Variants in DDX3X observed in about 807,000 individuals in gnomAD.
DDX3X encodes the protein ATP-dependent RNA helicase DDX3X.
Under a neutral mutation model 52.7 loss-of-function variants are expected in DDX3X, and 4 were observed. The ratio of observed to expected loss-of-function variants is 0.08; its 90% CI spans 0.04 to 0.17. DDX3X has a LOEUF of 0.17. Ranked by LOEUF, DDX3X falls within the 10% of genes least tolerant of loss-of-function variation. The pLI, the probability that DDX3X is intolerant of heterozygous loss-of-function variation, is 1.00. For synonymous variants in DDX3X, 192 were observed against 178.1 expected, an observed-to-expected ratio of 1.08 and a Z score of -0.62; for missense variants, 222 against 548.6, an observed-to-expected ratio of 0.40 and a Z score of 5.95.
chrX:41,363,681 G>T (rs958135621), intron 5 of DDX3X, among the ~76,000 whole-genome samples: 1 of 110,708 alleles, frequency 9.0e-6, no homozygotes, highest in African/African-American at 3.3e-5. Context: ...TACTCGGAAG[G>T]CTGAGGCAGG....
rs751906773 is a variant in DDX3X at position 41,344,423 on chromosome X, TTTTTGTTTTG to T, written c.1025+37_1025+46del. ...AAGTATGTTTTATTTTGTTTTTGTTTTTTTGTTTTGTTTTGTTTTGTTCTTTTGTTTTTGG... is the reference window on the plus strand; with the variant it reads ...AAGTATGTTTTATTTTGTTTTTGTTTTTTTGTTTTGTTCTTTTGTTTTTGG... On this transcript the variant is annotated intron_variant, in intron 10 of 16. Coordinates refer to ENST00000644876, the MANE Select transcript of DDX3X (RefSeq NM_001356.5). 1.5e-5 allele frequency: 18 copies of T among 1,203,755 alleles called. No individual in the cohort carries two copies. Among genetic ancestry groups the T allele is most frequent in the Middle Eastern group, 2.5e-4 (1 of 4,071 alleles).
At chrX:41,338,323 ATTTGTC>A (rs2063800348) in intron 2 of DDX3X, 1 of 111,738 alleles carries the variant, frequency 8.9e-6, no homozygotes, top group Non-Finnish European at 1.9e-5. Flanking sequence ...CTTTCACCTT[ATTTGTC>A]ATGCTAAGAA....
rs1421382643 is a variant in DDX3X at position 41,349,469 on chromosome X, A to T, written c.*1750A>T. 8.9e-6 allele frequency: 1 copy of T among 111,901 alleles called. No individual in the cohort carries two copies. Among genetic ancestry groups the T allele is most frequent in the Non-Finnish European group, 1.9e-5 (1 of 53,200 alleles). 9.2% of individuals were successfully genotyped at this position (111,901 alleles called of 1,213,427 possible). A position where few individuals can be genotyped will look rare whatever the true frequency, so the allele number is the denominator to read the frequency against. ...TAGTTGGGAAGAAAACTATTTGCAC[A>T]CGACAGATTTCTAGATACTTTTTGC... On this transcript the variant is annotated 3_prime_UTR_variant, in exon 17 of 17. Coordinates refer to ENST00000644876, the MANE Select transcript of DDX3X (RefSeq NM_001356.5).
chrX:41,344,688 T>G (rs953972737), intron 10 of DDX3X: 14 of 331,594 alleles, frequency 4.2e-5, no homozygotes, highest in African/African-American at 3.7e-4. Context: ...TCCGCCTGCC[T>G]TGGCCTCCCA....
In DDX3X at chrX:41,350,164, G is replaced by C. The variant is rs900446674; in HGVS notation, c.*2445G>C. The C allele has an allele frequency of 8.9e-6, 1 of 112,433 alleles. No individual in the cohort carries two copies. Among genetic ancestry groups the C allele is most frequent in the African/African-American group, 3.2e-5 (1 of 30,897 alleles). The allele number at this position is 112,433 out of a possible 1,213,427, so 9.3% of individuals were successfully genotyped here. A position where few individuals can be genotyped will look rare whatever the true frequency, so the allele number is the denominator to read the frequency against. ...TTTAGATGCTAGCACTGCATGTGCT[G>C]TGCATATTCTGATTTTATTAAAATA... On this transcript the variant is annotated 3_prime_UTR_variant, in exon 17 of 17. Transcript: ENST00000644876.
At chrX:41,334,858 T>C in intron 1 of DDX3X, 1 of 657,684 alleles carries the variant, frequency 1.5e-6, no homozygotes, top group African/African-American at 2.4e-5. Flanking sequence ...GGCGGCGCTG[T>C]GGCTCACCTC....
rs2063966474 is a variant in DDX3X, at chrX:41,349,738, A to G, written c.*2019A>G. ...CAGACCCGGCGTTGGCAGTGTAGCC[A>G]TAACTTTCTGATGTTAGTAAAAACA... On this transcript the variant is annotated 3_prime_UTR_variant, in exon 17 of 17. Coordinates refer to ENST00000644876, the MANE Select transcript of DDX3X (RefSeq NM_001356.5). 8.9e-6 allele frequency: 1 copy of G among 111,831 alleles called. No homozygotes were observed. Among genetic ancestry groups the G allele is most frequent in the Non-Finnish European group, 1.9e-5 (1 of 53,166 alleles). The allele number at this position is 111,831 out of a possible 1,213,427, so 9.2% of individuals were successfully genotyped here.
At chrX:41,360,862 T>A (rs1362761564) in intron 5 of DDX3X, among the ~76,000 whole-genome samples, 6 of 108,697 alleles carry the variant, frequency 5.5e-5, no homozygotes, top group Admixed American at 1.0e-4. Flanking sequence ...ACTCCCTTAA[T>A]ATCACCCATC....
chrX:41,334,726 G>C, intron 1 of DDX3X: 1 of 987,835 alleles, frequency 1.0e-6, no homozygotes. Context: ...TTCCCGTCCG[G>C]AGGACCTGGC....
chrX:41,338,716 C>T (rs1253754226), intron 2 of DDX3X: 1 of 113,522 alleles, frequency 8.8e-6, no homozygotes, highest in Non-Finnish European at 1.8e-5. Flanking sequence ...GTTTTGATGA[C>T]AGTTCTCTTA....
chrX:41,350,783 T>C (rs989189081), downstream of DDX3X: 4 of 111,674 alleles, frequency 3.6e-5, no homozygotes, highest in Non-Finnish European at 7.5e-5. Flanking sequence ...TAATAAGACA[T>C]CTATGCTTAC....
chrX:41,342,377 T>C, intron 4 of DDX3X, 118 bp from the exon 5 acceptor site: 1 of 792,523 alleles, frequency 1.3e-6, no homozygotes, highest in Non-Finnish European at 1.8e-6. Flanking sequence ...CAGAATTGGA[T>C]TGTTGACATC....
intron 3 of DDX3X, chrX:41,339,952 T>C (rs1298094383): frequency 1.1e-5 from 1 of 94,599 alleles, no homozygotes; most frequent in Non-Finnish European, 2.1e-5. Flanking sequence ...CTTGCTCTGC[T>C]GCGGAGGCTG....
At chrX:41,359,717 A>G (rs2064021710) in intron 5 of DDX3X, among the ~76,000 whole-genome samples, 1 of 110,943 alleles carries the variant, frequency 9.0e-6, no homozygotes, top group Non-Finnish European at 1.9e-5. Flanking sequence ...TCATGCCTGT[A>G]ATCCCAGCAC....
chrX:41,338,971 C>T, intron 2 of DDX3X, 65 bp from the exon 3 acceptor site: 1 of 498,935 alleles, frequency 2.0e-6, no homozygotes, highest in Non-Finnish European at 2.8e-6. Context: ...TTTTTAGTAA[C>T]AGAAATTTAA....
At chrX:41,347,069 GTT>G in intron 15 of DDX3X, 57 bp downstream of exon 15, 1 of 1,105,934 alleles carries the variant, frequency 9.0e-7, no homozygotes, top group Non-Finnish European at 1.2e-6. Flanking sequence ...AGTTCATAGT[GTT>G]TCCTCTGCAT....
downstream of DDX3X, chrX:41,351,766 C>G (rs1296239233): frequency 9.0e-6 from 1 of 110,985 alleles, no homozygotes; most frequent in Non-Finnish European, 1.9e-5. Context: ...AATGACTACT[C>G]TTCAATTTCT....
In DDX3X at chrX:41,346,131, T is replaced by C. The variant is rs1322556122; in HGVS notation, c.1316-98T>C. On this transcript the variant is annotated intron_variant, in intron 12 of 16. Coordinates refer to ENST00000644876, the MANE Select transcript of DDX3X (RefSeq NM_001356.5). ...TTGAAAGCCCGTTTTTAAGAAGATA[T>C]ATATGTATTTTAATTGACACATTAA... 24 of 725,888 alleles carry C rather than the reference T, an allele frequency of 3.3e-5. No homozygotes were observed. The South Asian group carries it at 5.7e-4, about 17-fold the overall frequency. 59.8% of individuals were successfully genotyped at this position (725,888 alleles called of 1,213,427 possible).
chrX:41,360,152 C>T (rs1460725671), intron 5 of DDX3X, among the ~76,000 whole-genome samples: 1 of 109,147 alleles, frequency 9.2e-6, no homozygotes, highest in South Asian at 3.9e-4. Context: ...CGGAGGTGGG[C>T]GGATCACCTG....
Sources: allele counts gnomAD v4.1 joint callset (sites outside exome capture counted in the v4.1 genomes callset), GRCh38; gene constraint gnomAD v4.1.1; transcripts MANE v1.5; gene names NCBI Gene and HGNC (gene_info 2026-07-23, HGNC 2026-07-21).